CCNH: variants seen among roughly 807,000 people sequenced by gnomAD.
CCNH encodes cyclin H.
A neutral mutation model predicts 41.9 loss-of-function variants in CCNH; 31 were observed. The ratio of observed to expected loss-of-function variants is 0.74; its 90% CI spans 0.56 to 1.00. CCNH has a LOEUF of 1.00. Among genes scored for constraint, CCNH ranks in the 50% least tolerant of loss-of-function variants. The probability of loss-of-function intolerance (pLI) is 0.00; values close to 1 mark genes in which losing one functional copy is unlikely to be tolerated. For missense variants in CCNH, 362 were observed against 388.4 expected (o/e 0.93, Z 0.57); for synonymous variants, 138 against 136.1 (o/e 1.01, Z -0.10).
intron 7 of CCNH, among the ~76,000 whole-genome samples, chr5:87,398,590 T>G (rs1011664389): frequency 6.6e-6 from 1 of 152,230 alleles, no homozygotes; most frequent in Non-Finnish European, 1.5e-5. Context: ...GCCAATTTTA[T>G]GGTGATTTTC....
At position 87,333,395 on chromosome 5, in the gene CCNH, T is replaced by C. The variant is rs1477481707; in HGVS notation, c.*91-14498A>G. 5.0e-6 allele frequency: 8 copies of C among 1,601,054 alleles called. No homozygotes were observed. In the Admixed American group the frequency reaches 1.2e-4, roughly 24 times the overall value. ...TTGAAAGAGCTAGACTTCGAAGATTTATTACTCTTGGACTAGGAAGCTTTT... is the reference window on the plus strand; with the variant it reads ...TTGAAAGAGCTAGACTTCGAAGATTCATTACTCTTGGACTAGGAAGCTTTT... On this transcript the variant is annotated intron_variant and NMD_transcript_variant, in intron 9 of 9. Transcript: ENST00000645953.
chr5:87,394,264 C>A, downstream of CCNH: 1 of 1,280,636 alleles, frequency 7.8e-7, no homozygotes, highest in Non-Finnish European at 9.9e-7. Flanking sequence ...AAAACAGGTG[C>A]TATTCTAGCT....
intron 9 of CCNH, among the ~76,000 whole-genome samples, chr5:87,319,513 G>C (rs551945484): frequency 1.8e-4 from 27 of 152,330 alleles, no homozygotes. Context: ...ATCCACCAAG[G>C]CTTGTGGCTT....
chr5:87,318,912 A>C (rs992854966), intron 9 of CCNH: 3 of 152,270 alleles, frequency 2.0e-5, no homozygotes, highest in Non-Finnish European at 4.4e-5. Flanking sequence ...AAAATAAAAA[A>C]CAAGTTAGTT....
intron 9 of CCNH, chr5:87,333,222 T>TA (rs1488052130): frequency 6.2e-7 from 1 of 1,604,006 alleles, no homozygotes; most frequent in East Asian, 2.2e-5. Context: ...GACTTTAAGA[T>TA]AAAAAGACTA....
At chr5:87,337,063 GA>G (rs2112383755) in intron 9 of CCNH, among the ~76,000 whole-genome samples, 1 of 152,074 alleles carries the variant, frequency 6.6e-6, no homozygotes, top group South Asian at 2.1e-4. Context: ...TATTAAGATT[GA>G]AAGGAAAATT....
At chr5:87,385,187 G>A (rs952930947) in intron 9 of CCNH, 3 of 745,262 alleles carry the variant, frequency 4.0e-6, no homozygotes, top group Non-Finnish European at 7.3e-6. Context: ...GTTCCGAATG[G>A]AAGAATGGGT....
At chr5:87,359,079 T>C (rs1304450507) in intron 9 of CCNH, among the ~76,000 whole-genome samples, 1 of 152,204 alleles carries the variant, frequency 6.6e-6, no homozygotes, top group Admixed American at 6.5e-5. Flanking sequence ...GAATACAAGT[T>C]CCATGAGGAT....
In CCNH at chr5:87,412,869, C is replaced by A; in HGVS notation, c.-75G>T. The A allele has an allele frequency of 6.4e-7, 1 of 1,566,242 alleles. No homozygotes were observed. Among genetic ancestry groups the A allele is most frequent in the South Asian group, 1.1e-5 (1 of 88,460 alleles). ...CATCAGCGTCCTGGCGTAAAACACC[C>A]GTACCCCCACCGAAGATCTCGCGGA... On this transcript the variant is annotated 5_prime_UTR_variant, in exon 1 of 9. Transcript: ENST00000256897.
At chr5:87,392,413 C>G (rs1448006832), downstream of CCNH, 2 of 450,730 alleles carry the variant, frequency 4.4e-6, no homozygotes, top group African/African-American at 4.0e-5. Flanking sequence ...TCCCATGCTC[C>G]TTTTCCTTGA....
At chr5:87,401,648 G>C in intron 6 of CCNH, 54 bp downstream of exon 6, 1 of 1,080,484 alleles carries the variant, frequency 9.3e-7, no homozygotes, top group Non-Finnish European at 1.4e-6. Flanking sequence ...GATTTATTTA[G>C]AAAGGAGCTT....
At chr5:87,378,579 A>C, upstream of CCNH, 1 of 1,537,468 alleles carries the variant, frequency 6.5e-7, no homozygotes, top group Non-Finnish European at 9.0e-7. Flanking sequence ...TGCAAAGAAC[A>C]TATTTTAATA....
At chr5:87,412,556 G>A in intron 1 of CCNH, 122 bp downstream of exon 1, 1 of 1,470,124 alleles carries the variant, frequency 6.8e-7, no homozygotes. Flanking sequence ...ATAGAAAAAC[G>A]CACTCCGCGC....
At chr5:87,323,852 T>G (rs1231251961) in intron 9 of CCNH, among the ~76,000 whole-genome samples, 5 of 152,108 alleles carry the variant, frequency 3.3e-5, no homozygotes, top group Non-Finnish European at 7.4e-5. Context: ...TTTCAGGAAA[T>G]GTATGCTAAA....
downstream of CCNH, among the ~76,000 whole-genome samples, chr5:87,387,226 T>C (rs1047500223): frequency 2.0e-5 from 3 of 152,068 alleles, no homozygotes; most frequent in Admixed American, 6.6e-5. Flanking sequence ...GTTGCCTCCT[T>C]AGCTTTTTTA....
chr5:87,363,274 A>G, intron 9 of CCNH: 2 of 1,317,486 alleles, frequency 1.5e-6, no homozygotes, highest in Non-Finnish European at 2.1e-6. Flanking sequence ...ATATTTTTAG[A>G]AACACTAATT....
At chr5:87,389,347 A>G (rs540045329), downstream of CCNH, 9 of 1,611,424 alleles carry the variant, frequency 5.6e-6, no homozygotes, top group Non-Finnish European at 7.6e-6. Context: ...AAACAAAAAA[A>G]AAGAAGATTT....
intron 9 of CCNH, among the ~76,000 whole-genome samples, chr5:87,326,929 G>A (rs1044467061): frequency 1.3e-5 from 2 of 152,154 alleles, no homozygotes; most frequent in Middle Eastern, 3.2e-3. Flanking sequence ...AAACAAGACT[G>A]GAAAATAGGT....
intron 9 of CCNH, among the ~76,000 whole-genome samples, chr5:87,367,571 C>CT (rs1311883464): frequency 8.5e-5 from 13 of 152,302 alleles, no homozygotes; most frequent in Non-Finnish European, 1.8e-4. Flanking sequence ...TAAGAGATCT[C>CT]TAAGCACTCC....
Sources: allele counts gnomAD v4.1 joint callset (sites outside exome capture counted in the v4.1 genomes callset), GRCh38; gene constraint gnomAD v4.1.1; transcripts MANE v1.5; gene names NCBI Gene and HGNC (gene_info 2026-07-23, HGNC 2026-07-21).